Variants in HIP1R observed in about 807,000 individuals in gnomAD.
HIP1R encodes huntingtin-interacting protein 1-related protein.
A neutral mutation model predicts 144.2 loss-of-function variants in HIP1R; 135 were observed. The observed-to-expected ratio is 0.94, with a 90% CI of 0.81 to 1.08. The LOEUF (loss-of-function observed/expected upper bound fraction) is 1.08, where lower values mean the gene tolerates loss of function less well. Among genes scored for constraint, HIP1R ranks in the 50% least tolerant of loss-of-function variants. The probability of loss-of-function intolerance (pLI) is 0.00; values close to 1 mark genes in which losing one functional copy is unlikely to be tolerated. For missense variants in HIP1R, 1,462 were observed against 1,432.8 expected, an observed-to-expected ratio of 1.02 and a Z score of -0.33; for synonymous variants, 698 against 612.8, an observed-to-expected ratio of 1.14 and a Z score of -2.05.
Position 122,855,985 on chromosome 12 carries a change from G to A in HIP1R, c.1134G>A (p.Gln378=), listed in dbSNP as rs1392661612. The A allele has an allele frequency of 1.7e-5, 27 of 1,586,758 alleles. No homozygotes were observed. The highest frequency in any genetic ancestry group is 2.7e-5 in the African/African-American group (2 of 74,454). Residue 378 remains glutamine (Q), a synonymous_variant, in exon 14 of 32, where the codon CAG becomes CAA. Transcript: ENST00000253083. ...CGTCACACCTCCTCCCGCAGGCCCA[G>A]CGGTACATCGCGCAGCTGAAGAGCC... ...SELEKIKLEA[Q]RYIAQLKSQV... is the part of the protein sequence containing the mutation.
At chr12:122,842,036 G>T (rs531449745) in intron 1 of HIP1R, among the ~76,000 whole-genome samples, 2 of 152,268 alleles carry the variant, frequency 1.3e-5, no homozygotes, top group Admixed American at 6.5e-5. Context: ...CCAGCTGTCC[G>T]CCTCGCTGCT....
intron 7 of HIP1R, among the ~76,000 whole-genome samples, chr12:122,853,110 G>C (rs1271284606): frequency 6.6e-6 from 1 of 152,132 alleles, no homozygotes; most frequent in Non-Finnish European, 1.5e-5. Context: ...CCAGCTGCCT[G>C]CTCTTTGTCA....
At position 122,861,028 on chromosome 12, in the gene HIP1R, T is replaced by A. The variant is rs773620432; in HGVS notation, c.2879T>A (p.Ile960Asn). The A allele has an allele frequency of 6.2e-7, 1 of 1,613,654 alleles. No homozygotes were observed. The highest frequency in any genetic ancestry group is 1.7e-5 in the Admixed American group (1 of 60,026). The change falls in exon 29 of 32, where the codon ATT (isoleucine) becomes AAT (asparagine). Residue 960 changes from isoleucine to asparagine, a missense_variant. This residue lies in a region of HIP1R where 1,112 missense variants were observed against 1,011.7 expected (regional missense o/e 1.10). Coordinates refer to ENST00000253083, the MANE Select transcript of HIP1R (RefSeq NM_003959.3). ...VASTKSGQEQ[I>N]EDRDTMDFSG... ...TCCACCAAGTCAGGCCAGGAGCAGA[T>A]TGAGGACAGAGGTGAGTGCCAGATG...
intron 19 of HIP1R, 21 bp downstream of exon 19, chr12:122,858,270 C>T (rs1228437711): frequency 6.3e-7 from 1 of 1,578,252 alleles, no homozygotes; most frequent in East Asian, 2.3e-5. Flanking sequence ...GGGCCACACT[C>T]AGCCGCTCCC....
chr12:122,855,886 G>C lies in HIP1R; in HGVS notation c.1111G>C (p.Glu371Gln), dbSNP rs997589456. Reference protein sequence around the residue: ...REVEMLRSELEKIKLEAQRYI... With the variant: ...REVEMLRSELQKIKLEAQRYI... ...GGTGGAAATGCTCCGCTCTGAACTGGAGAAGATCAAGCTGGAGGTGCGGGG... is the reference window on the plus strand; with the variant it reads ...GGTGGAAATGCTCCGCTCTGAACTGCAGAAGATCAAGCTGGAGGTGCGGGG... The change falls in exon 13 of 32, where the codon GAG becomes CAG. Residue 371 changes from glutamate to glutamine, a missense_variant. This residue lies in a region of HIP1R where 1,112 missense variants were observed against 1,011.7 expected (regional missense o/e 1.10). Transcript: ENST00000253083. The C allele has an allele frequency of 7.1e-7, 1 of 1,400,610 alleles. No individual in the cohort carries two copies. The allele number at this position is 1,400,610 out of a possible 1,614,324, so 86.8% of individuals were successfully genotyped here. A position where few individuals can be genotyped will look rare whatever the true frequency, so the allele number is the denominator to read the frequency against.
In HIP1R at chr12:122,859,449, T is replaced by G; in HGVS notation, c.2319T>G (p.Asp773Glu). 1 of 1,613,410 alleles carries G rather than the reference T, an allele frequency of 6.2e-7. No homozygotes were observed. Among genetic ancestry groups the G allele is most frequent in the South Asian group, 1.1e-5 (1 of 91,082 alleles). Residue 773 changes from aspartate to glutamate, a missense_variant, in exon 23 of 32, where the codon GAT becomes GAG. Coordinates refer to ENST00000253083, the MANE Select transcript of HIP1R (RefSeq NM_003959.3). The part of the protein sequence containing the change: ...LGQELKPKSL[D>E]VRQEELGAVV... ...AGGAACTGAAACCCAAGAGCCTAGA[T>G]GTGCGGCAGGAGGAGCTGGGGGCCG...
Position 122,856,350 on chromosome 12 carries a change from T to C in HIP1R, c.1401+6T>C, listed in dbSNP as rs758097764. 5.3e-5 allele frequency: 86 copies of C among 1,613,554 alleles called. 1 individual carries two copies. In the Middle Eastern group the frequency reaches 8.2e-4, roughly 15 times the overall value. On this transcript the variant is annotated splice_donor_region_variant and intron_variant, in intron 15 of 31. Transcript: ENST00000253083. ...ACGCGGAGCTGCTCAGAAAGGTAGG[T>C]GCAGCCCATCCTCCATCCCAGCCGG... is the stretch of plus-strand genomic sequence containing the variant.
At chr12:122,861,070 G>A in intron 29 of HIP1R, 31 bp downstream of exon 29, 2 of 1,613,588 alleles carry the variant, frequency 1.2e-6, no homozygotes, top group Non-Finnish European at 1.7e-6. Flanking sequence ...GGGGCTGCTG[G>A]CTCCCGAGGC....
chr12:122,848,757 C>T (rs1343457714), intron 3 of HIP1R, 39 bp from the exon 4 acceptor site: 1 of 1,611,456 alleles, frequency 6.2e-7, no homozygotes, highest in African/African-American at 1.3e-5. Flanking sequence ...GCCACACGGT[C>T]CTGGACACTC....
rs2033808902 is a variant in HIP1R at position 122,862,823 on chromosome 12, T to G, written c.*1070T>G. ...CCTAGCCCTTTAGCCTTTCACCCTGTGCTCTGGAAAGGCTACCAAATACTG... is the reference window on the plus strand; with the variant it reads ...CCTAGCCCTTTAGCCTTTCACCCTGGGCTCTGGAAAGGCTACCAAATACTG... On this transcript the variant is annotated 3_prime_UTR_variant, in exon 32 of 32. Transcript: ENST00000253083. The G allele has an allele frequency of 2.0e-5, 3 of 152,226 alleles. No homozygotes were observed. In the East Asian group the frequency reaches 5.8e-4, roughly 29 times the overall value. 9.4% of individuals were successfully genotyped at this position (152,226 alleles called of 1,614,324 possible). A position where few individuals can be genotyped will look rare whatever the true frequency, so the allele number is the denominator to read the frequency against.
At position 122,862,914 on chromosome 12, in the gene HIP1R, C is replaced by T. The variant is rs959235701; in HGVS notation, c.*1161C>T. On this transcript the variant is annotated 3_prime_UTR_variant, in exon 32 of 32. Coordinates refer to ENST00000253083, the MANE Select transcript of HIP1R (RefSeq NM_003959.3). ...CTTGGCTTTGTGTTAGCATTTCCTCCTGAAGTGTTCTGTTGGCAATAAAAT... is the reference window on the plus strand; with the variant it reads ...CTTGGCTTTGTGTTAGCATTTCCTCTTGAAGTGTTCTGTTGGCAATAAAAT... 12 of 152,220 alleles carry T rather than the reference C, an allele frequency of 7.9e-5. No individual in the cohort carries two copies. Among genetic ancestry groups the T allele is most frequent in the African/African-American group, 2.4e-4 (10 of 41,450 alleles). The allele number at this position is 152,220 out of a possible 1,614,324, so 9.4% of individuals were successfully genotyped here. A position where few individuals can be genotyped will look rare whatever the true frequency, so the allele number is the denominator to read the frequency against.
chr12:122,839,476 G>T (rs755367645), intron 1 of HIP1R, among the ~76,000 whole-genome samples: 1 of 152,234 alleles, frequency 6.6e-6, no homozygotes, highest in Non-Finnish European at 1.5e-5. Flanking sequence ...GCAGCAATAT[G>T]TGGAAACAGT....
At chr12:122,857,831 G>T in intron 18 of HIP1R, 1 of 394,214 alleles carries the variant, frequency 2.5e-6, no homozygotes, top group East Asian at 3.8e-5. Context: ...ATAGCAAAGG[G>T]TGCTACATAT....
intron 1 of HIP1R, among the ~76,000 whole-genome samples, chr12:122,845,878 A>G (rs936306431): frequency 1.3e-5 from 2 of 152,134 alleles, no homozygotes; most frequent in African/African-American, 4.8e-5. Context: ...CTTTCCTCGC[A>G]AAGAGGAGAG....
rs200665144 is a variant in HIP1R at position 122,849,971 on chromosome 12, G to A, written c.438+16G>A. 3.1e-6 allele frequency: 5 copies of A among 1,591,174 alleles called. No individual in the cohort carries two copies. The highest frequency in any genetic ancestry group is 3.4e-6 in the Non-Finnish European group (4 of 1,159,554). On this transcript the variant is annotated intron_variant, in intron 5 of 31. Coordinates refer to ENST00000253083, the MANE Select transcript of HIP1R (RefSeq NM_003959.3). ...CCACCTCAAGGTGGTTTCCTCGGGG[G>A]AGTCATGGGGCTGAGGGACCCGTGG... is the stretch of plus-strand genomic sequence containing the variant.
chr12:122,847,963 C>A (rs1371123970), intron 1 of HIP1R, 68 bp from the exon 2 acceptor site: 1 of 1,459,356 alleles, frequency 6.9e-7, no homozygotes. Context: ...TGTGCTTCTC[C>A]CCCTTGGGGT....
In HIP1R at chr12:122,861,777, G is replaced by A. The variant is rs1256782464; in HGVS notation, c.*24G>A. On this transcript the variant is annotated 3_prime_UTR_variant, in exon 32 of 32. Coordinates refer to ENST00000253083, the MANE Select transcript of HIP1R (RefSeq NM_003959.3). ...AGGCCCCCCAGGGGTCCAGCAGGGT[G>A]GCTGGTGACAGGCCTGGGCCTCTGC... 4 of 1,612,012 alleles carry A rather than the reference G, an allele frequency of 2.5e-6. No homozygotes were observed. Among genetic ancestry groups the A allele is most frequent in the Non-Finnish European group, 3.4e-6 (4 of 1,178,462 alleles).
chr12:122,860,551 G>A, intron 27 of HIP1R, 28 bp downstream of exon 27: 2 of 1,588,364 alleles, frequency 1.3e-6, no homozygotes, highest in Non-Finnish European at 1.7e-6. Flanking sequence ...GGGGGGGGCA[G>A]GGGGCTGCTT....
At chr12:122,848,884 A>G (rs753411641) in intron 4 of HIP1R, 32 bp downstream of exon 4, 2 of 1,609,204 alleles carry the variant, frequency 1.2e-6, no homozygotes, top group Non-Finnish European at 1.7e-6. Flanking sequence ...CCTGCCTGGC[A>G]TTCGGGGCTT....
Sources: gnomAD v4.1 joint callset for allele counts (sites outside exome capture counted in the v4.1 genomes callset) on GRCh38, gnomAD v4.1.1 for gene constraint, gnomAD v4.1.1 regional missense constraint, MANE v1.5 for transcripts, NCBI Gene and HGNC (gene_info 2026-07-23, HGNC 2026-07-21) for gene names.